NBEAL1: variants seen among roughly 807,000 people sequenced by gnomAD.
NBEAL1 encodes the protein neurobeachin like 1, also known as neurobeachin-like protein 1.
NBEAL1 carries 273 observed loss-of-function variants against 351.3 expected under a neutral mutation model. The ratio of observed to expected loss-of-function variants is 0.78; its 90% CI spans 0.70 to 0.86. NBEAL1 has a LOEUF of 0.86. Ranked by LOEUF, NBEAL1 falls within the 40% of genes least tolerant of loss-of-function variation. The probability of loss-of-function intolerance (pLI) is 0.00; values close to 1 mark genes in which losing one functional copy is unlikely to be tolerated. For synonymous variants in NBEAL1, 1,050 were observed against 1,086.4 expected, an observed-to-expected ratio of 0.97 and a Z score of 0.66; for missense variants, 2,961 against 3,201.3, an observed-to-expected ratio of 0.92 and a Z score of 1.81.
chr2:203,088,958 G>A (rs1485938478), intron 10 of NBEAL1, among the ~76,000 whole-genome samples: 1 of 152,156 alleles, frequency 6.6e-6, no homozygotes, highest in East Asian at 1.9e-4. Flanking sequence ...TTCTTTTGGA[G>A]GAGGGGAATG....
chr2:203,149,261 G>A, intron 34 of NBEAL1, 113 bp downstream of exon 34: 2 of 695,720 alleles, frequency 2.9e-6, no homozygotes, highest in Non-Finnish European at 4.6e-6. Context: ...ATTCATAAAA[G>A]GGTGCTTTTA....
rs1665126837 is a variant in NBEAL1 at position 203,225,115 on chromosome 2, T to C, written c.*7761T>C. Among the ~76,000 whole-genome samples, 1 of 152,208 alleles carries C rather than the reference T, an allele frequency of 6.6e-6. No individual in the cohort carries two copies. The highest frequency in any genetic ancestry group is 2.4e-5 in the African/African-American group (1 of 41,460). ...TTCTAATACTTTTTAAGAATGTCCA[T>C]TTATTTTGTACATAATAAATTAGCT... On this transcript the variant is annotated 3_prime_UTR_variant, in exon 56 of 56. Coordinates refer to ENST00000683969, the MANE Select transcript of NBEAL1 (RefSeq NM_001378026.1).
At chr2:203,014,819 C>G (rs1362778219), upstream of NBEAL1, 1 of 152,344 alleles carries the variant, frequency 6.6e-6, no homozygotes, top group Non-Finnish European at 1.5e-5. Flanking sequence ...ATGATTAGCC[C>G]AGGGGGCAGC....
chr2:203,205,030 A>C (rs983421625), intron 51 of NBEAL1, among the ~76,000 whole-genome samples: 1 of 152,140 alleles, frequency 6.6e-6, no homozygotes, highest in African/African-American at 2.4e-5. Context: ...TAATACAATA[A>C]GGTAAGCAAA....
chr2:203,061,548 A>G (rs72934512), intron 6 of NBEAL1: 14,062 of 152,444 alleles, frequency 0.092, 764 homozygotes, highest in Non-Finnish European at 0.12. Flanking sequence ...GATTTACCGC[A>G]TTTTTTACAT....
intron 51 of NBEAL1, among the ~76,000 whole-genome samples, chr2:203,207,365 G>A (rs1387766123): frequency 2.4e-4 from 36 of 151,990 alleles, no homozygotes; most frequent in African/African-American, 8.2e-4. Flanking sequence ...CCCCTACTGG[G>A]AAGTGAGGAG....
chr2:203,193,961 C>T (rs1401991664), intron 47 of NBEAL1, 50 bp downstream of exon 47: 4 of 1,036,320 alleles, frequency 3.9e-6, no homozygotes, highest in Non-Finnish European at 4.4e-6. Context: ...AAATTCTGTA[C>T]ATTTTAAAGT....
At chr2:203,150,109 G>C (rs1016093788) in intron 34 of NBEAL1, among the ~76,000 whole-genome samples, 18 of 152,166 alleles carry the variant, frequency 1.2e-4, no homozygotes, top group Middle Eastern at 3.4e-3. Context: ...TGATAATTCT[G>C]TGTTTAATTT....
At chr2:203,076,477 AAAAACAAACAAACAAAC>A (rs1224908327) in intron 7 of NBEAL1, among the ~76,000 whole-genome samples, 1 of 21,056 alleles carries the variant, frequency 4.7e-5, no homozygotes, top group Non-Finnish European at 2.2e-4. Flanking sequence ...ACCCTGTCTC[AAAAACAAACAAACAAAC>A]AAAAAAAAAA....
rs559109187 is a variant in NBEAL1, at chr2:203,121,252, T to G, written c.2593-1002T>G. ...ATTTTAATCACACGTTTTATGTGTA[T>G]CTTGAAATTGTGCCTAGGGAAGTGC... On this transcript the variant is annotated intron_variant, in intron 18 of 55. Transcript: ENST00000683969. 2.6e-5 allele frequency among the ~76,000 whole-genome samples: 4 copies of G among 152,326 alleles called. No homozygotes were observed. In the South Asian group the frequency reaches 8.3e-4, roughly 32 times the overall value.
intron 45 of NBEAL1, among the ~76,000 whole-genome samples, chr2:203,189,085 A>G (rs1210631288): frequency 6.6e-6 from 1 of 152,244 alleles, no homozygotes; most frequent in African/African-American, 2.4e-5. Context: ...GTAAATGAGC[A>G]TATTTTTGCT....
At chr2:203,164,917 A>G (rs1559028875) in intron 36 of NBEAL1, among the ~76,000 whole-genome samples, 1 of 148,282 alleles carries the variant, frequency 6.7e-6, no homozygotes, top group African/African-American at 2.5e-5. Context: ...GCTGGAGTAC[A>G]GTGGCGTAAT....
chr2:203,184,170 C>T (rs1362766854), intron 44 of NBEAL1, among the ~76,000 whole-genome samples: 1 of 151,806 alleles, frequency 6.6e-6, no homozygotes, highest in Admixed American at 6.6e-5. Flanking sequence ...GTGGCTCACG[C>T]CTCTAATCCC....
At chr2:203,081,616 C>T (rs1217561561) in intron 8 of NBEAL1, among the ~76,000 whole-genome samples, 1 of 152,168 alleles carries the variant, frequency 6.6e-6, no homozygotes, top group Non-Finnish European at 1.5e-5. Flanking sequence ...ATAAATAATT[C>T]AGAGTTAATC....
At chr2:203,191,200 T>G (rs1158823665) in intron 46 of NBEAL1, 5 of 1,558,982 alleles carry the variant, frequency 3.2e-6, no homozygotes, top group Non-Finnish European at 2.6e-6. Context: ...GTCTGTGGGC[T>G]GTAATGTTGA....
chr2:203,095,681 C>T (rs2062168474), intron 10 of NBEAL1, among the ~76,000 whole-genome samples: 1 of 152,186 alleles, frequency 6.6e-6, no homozygotes, highest in African/African-American at 2.4e-5. Context: ...TTTTATCTGA[C>T]TATTTGTTTC....
chr2:203,110,459 G>T (rs777992149), intron 15 of NBEAL1, among the ~76,000 whole-genome samples, 177 bp downstream of exon 15: 12 of 152,000 alleles, frequency 7.9e-5, no homozygotes, highest in Non-Finnish European at 1.6e-4. Flanking sequence ...GATAACTTGA[G>T]CTCAAGAGTT....
intron 10 of NBEAL1, among the ~76,000 whole-genome samples, chr2:203,094,795 A>G (rs2062144203): frequency 6.6e-6 from 1 of 152,150 alleles, no homozygotes; most frequent in African/African-American, 2.4e-5. Context: ...AATTAATGTA[A>G]ATTTTTTAAG....
intron 36 of NBEAL1, among the ~76,000 whole-genome samples, chr2:203,165,846 C>G (rs2064114545): frequency 6.6e-6 from 1 of 152,008 alleles, no homozygotes; most frequent in Non-Finnish European, 1.5e-5. Context: ...AGATCAAAAC[C>G]AGCCTGGGCA....
Sources: allele counts gnomAD v4.1 joint callset (sites outside exome capture counted in the v4.1 genomes callset), GRCh38; gene constraint gnomAD v4.1.1; transcripts MANE v1.5; gene names NCBI Gene and HGNC (gene_info 2026-07-23, HGNC 2026-07-21).